Variants in NPTXR observed in about 807,000 individuals in gnomAD.
NPTXR encodes neuronal pentraxin receptor.
A neutral mutation model predicts 32.2 loss-of-function variants in NPTXR; 12 were observed. The ratio of observed to expected loss-of-function variants is 0.37; its 90% CI spans 0.24 to 0.60. The LOEUF (loss-of-function observed/expected upper bound fraction) is 0.60. Among genes scored for constraint, NPTXR ranks in the 20% least tolerant of loss-of-function variants. The pLI is 0.66. For missense variants in NPTXR, 612 were observed against 682.9 expected, an observed-to-expected ratio of 0.90 and a Z score of 1.16; for synonymous variants, 323 against 315.8, an observed-to-expected ratio of 1.02 and a Z score of -0.24.
At position 38,828,495 on chromosome 22, in the gene NPTXR, A is replaced by G. The variant is rs1470288739; in HGVS notation, c.642T>C (p.Arg214=). ...GGGCTGGGGCAGCTGAGAGGTTCACACGGGCTGGAAGCTCCTGCTGTTCAC... is the reference window on the plus strand; with the variant it reads ...GGGCTGGGGCAGCTGAGAGGTTCACGCGGGCTGGAAGCTCCTGCTGTTCAC... The change falls in exon 2 of 5, where the codon CGT becomes CGC. Residue 214 remains arginine (R), a synonymous_variant. Transcript: ENST00000333039. 3.1e-6 allele frequency: 5 copies of G among 1,602,034 alleles called. No homozygotes were observed. In the African/African-American group the frequency reaches 6.7e-5, roughly 21 times the overall value.
intron 4 of NPTXR, 121 bp from the exon 5 acceptor site, chr22:38,822,954 C>G: frequency 1.4e-6 from 2 of 1,433,882 alleles, no homozygotes; most frequent in Non-Finnish European, 1.9e-6. Flanking sequence ...CCACTGAAGC[C>G]CCACCGCCAA....
intron 2 of NPTXR, among the ~76,000 whole-genome samples, chr22:38,828,037 T>C (rs965518337): frequency 6.6e-6 from 1 of 152,186 alleles, no homozygotes; most frequent in Admixed American, 6.5e-5. Context: ...AAACTGTGGA[T>C]TAAATCAGCT....
chr22:38,839,846 A>G (rs2093129481), intron 1 of NPTXR, among the ~76,000 whole-genome samples: 1 of 152,204 alleles, frequency 6.6e-6, no homozygotes, highest in Non-Finnish European at 1.5e-5. Context: ...CAGTCAAGTG[A>G]CTGATGGATG....
intron 2 of NPTXR, among the ~76,000 whole-genome samples, chr22:38,827,708 A>T (rs1467035880): frequency 6.6e-6 from 1 of 152,206 alleles, no homozygotes. Flanking sequence ...TATTTCTCAG[A>T]TGAGGAAAAC....
chr22:38,824,713 A>G (rs566076818), intron 3 of NPTXR, among the ~76,000 whole-genome samples: 1 of 152,098 alleles, frequency 6.6e-6, no homozygotes, highest in Non-Finnish European at 1.5e-5. Flanking sequence ...AATTCCTTCT[A>G]ATGAGAACTG....
chr22:38,840,348 T>G (rs1341639363), intron 1 of NPTXR, among the ~76,000 whole-genome samples: 1 of 151,876 alleles, frequency 6.6e-6, no homozygotes, highest in African/African-American at 2.4e-5. Flanking sequence ...AGGAATGAAC[T>G]GAGAGAGGGG....
In NPTXR at chr22:38,844,015, G is replaced by A. The variant is rs978461085; in HGVS notation, c.-157C>T. On this transcript the variant is annotated 5_prime_UTR_variant, in exon 1 of 5. Coordinates refer to ENST00000333039, the MANE Select transcript of NPTXR (RefSeq NM_014293.4). The surrounding 1 kb of genome is among the most constrained non-coding windows in gnomAD (Gnocchi z 4.3). The stretch of plus-strand genomic sequence containing the variant: ...AGCTGGAGCTGTCGCCGCGGCCGCT[G>A]CTGCCGCCGCTCTGAGCCCGGGCGG... The A allele has an allele frequency of 4.7e-6, 1 of 212,228 alleles. No homozygotes were observed. The highest frequency in any genetic ancestry group is 8.0e-6 in the Non-Finnish European group (1 of 124,732). The allele number at this position is 212,228 out of a possible 1,614,324, so 13.1% of individuals were successfully genotyped here. A position where few individuals can be genotyped will look rare whatever the true frequency, so the allele number is the denominator to read the frequency against.
At chr22:38,823,568 T>G (rs991041162) in intron 3 of NPTXR, among the ~76,000 whole-genome samples, 3 of 152,190 alleles carry the variant, frequency 2.0e-5, no homozygotes, top group Admixed American at 6.5e-5. Context: ...AATCCCAACT[T>G]CCCCTGAACA....
At chr22:38,840,134 C>A (rs1042147275) in intron 1 of NPTXR, among the ~76,000 whole-genome samples, 1 of 152,076 alleles carries the variant, frequency 6.6e-6, no homozygotes, top group African/African-American at 2.4e-5. Context: ...GCCAATCAGA[C>A]CTTCCCTTCC....
In NPTXR at chr22:38,822,582, G is replaced by T; in HGVS notation, c.*27C>A. 6.4e-7 allele frequency: 1 copy of T among 1,563,924 alleles called. No homozygotes were observed. Among genetic ancestry groups the T allele is most frequent in the East Asian group, 2.4e-5 (1 of 41,952 alleles). ...CTCAAGTCCCCAAAGTGGCAGGCAAGGGAGGGGCCCTGGATGAGGTGGCCC... is the reference window on the plus strand; with the variant it reads ...CTCAAGTCCCCAAAGTGGCAGGCAATGGAGGGGCCCTGGATGAGGTGGCCC... On this transcript the variant is annotated 3_prime_UTR_variant, in exon 5 of 5. Coordinates refer to ENST00000333039, the MANE Select transcript of NPTXR (RefSeq NM_014293.4).
Position 38,822,618 on chromosome 22 carries a change from G to A in NPTXR, c.1494C>T (p.Ala498=), listed in dbSNP as rs553550454. ...TGGATGAGGTGGCCCCTCATGCCTT[G>A]GCCCTCCCCTTGCAGACATCGAAGG... is the stretch of plus-strand genomic sequence containing the variant. Residue 498 remains alanine (A), a synonymous_variant, in exon 5 of 5, where the codon GCC becomes GCT. Coordinates refer to ENST00000333039, the MANE Select transcript of NPTXR (RefSeq NM_014293.4). 1.4e-5 allele frequency: 23 copies of A among 1,609,868 alleles called. No individual in the cohort carries two copies. The South Asian group carries it at 2.3e-4, about 16-fold the overall frequency.
chr22:38,829,912 G>A (rs1172134174), intron 1 of NPTXR, among the ~76,000 whole-genome samples: 1 of 152,222 alleles, frequency 6.6e-6, no homozygotes, highest in Non-Finnish European at 1.5e-5. Context: ...CCAGCCAATG[G>A]CCTTGTCAGT....
intron 1 of NPTXR, among the ~76,000 whole-genome samples, chr22:38,832,697 T>C (rs1403712977): frequency 6.6e-6 from 1 of 152,232 alleles, no homozygotes; most frequent in East Asian, 1.9e-4. Flanking sequence ...TAAGGTCACA[T>C]ACCTGTGACG....
intron 1 of NPTXR, among the ~76,000 whole-genome samples, chr22:38,839,420 G>A (rs370949422): frequency 5.9e-5 from 9 of 152,266 alleles, no homozygotes; most frequent in East Asian, 1.9e-4. Flanking sequence ...TGAGGTGGGC[G>A]GATCACCTGA....
intron 1 of NPTXR, among the ~76,000 whole-genome samples, chr22:38,839,372 C>T (rs2093128919): frequency 6.6e-6 from 1 of 152,236 alleles, no homozygotes; most frequent in Non-Finnish European, 1.5e-5. Flanking sequence ...TGGCCAGGCA[C>T]AGTGGCTCAC....
intron 1 of NPTXR, among the ~76,000 whole-genome samples, chr22:38,836,380 A>G (rs1202822565): frequency 6.6e-6 from 1 of 152,240 alleles, no homozygotes; most frequent in Non-Finnish European, 1.5e-5. Context: ...GAACGGGTAA[A>G]TGAATTAAGG....
In NPTXR at chr22:38,835,191, C is replaced by T. The variant is rs150881865; in HGVS notation, c.625-6679G>A. The stretch of plus-strand genomic sequence containing the variant: ...AGGCAAATATGGCCCCATGGTTCCG[C>T]AGGTGGCGGTGCTCCCAGCTGGCGG... On this transcript the variant is annotated intron_variant, in intron 1 of 4. Coordinates refer to ENST00000333039, the MANE Select transcript of NPTXR (RefSeq NM_014293.4). 6.8e-4 allele frequency among the ~76,000 whole-genome samples: 104 copies of T among 152,326 alleles called. 1 individual carries two copies. Among genetic ancestry groups the T allele is most frequent in the African/African-American group, 2.4e-3 (99 of 41,564 alleles).
chr22:38,827,918 G>A (rs1218589513), intron 2 of NPTXR, among the ~76,000 whole-genome samples: 1 of 152,078 alleles, frequency 6.6e-6, no homozygotes, highest in Non-Finnish European at 1.5e-5. Flanking sequence ...GTGGTTAAAT[G>A]TATGGTTGTG....
chr22:38,823,028 GTC>G (rs1192009238), intron 4 of NPTXR, 53 bp downstream of exon 4: 8 of 1,593,500 alleles, frequency 5.0e-6, no homozygotes, highest in Non-Finnish European at 8.6e-7. Context: ...CTGGCCCTCA[GTC>G]TGCCCATCTG....
Sources: gnomAD v4.1 joint callset for allele counts (sites outside exome capture counted in the v4.1 genomes callset) on GRCh38, gnomAD v4.1.1 for gene constraint, Gnocchi (gnomAD v3.1) non-coding constraint, MANE v1.5 for transcripts, NCBI Gene and HGNC (gene_info 2026-07-23, HGNC 2026-07-21) for gene names.